Variants in UBR3 observed in about 807,000 individuals in gnomAD.
UBR3 encodes the protein E3 ubiquitin-protein ligase UBR3.
In UBR3, 85 loss-of-function variants were observed where a neutral mutation model predicts 243.2. That is an observed-to-expected ratio of 0.35 (90% CI 0.29 to 0.42). The LOEUF is 0.42. Among genes scored for constraint, UBR3 ranks in the 10% least tolerant of loss-of-function variants. UBR3 has a pLI of 1.00. For missense variants in UBR3, 1,686 were observed against 2,300.8 expected, an observed-to-expected ratio of 0.73 and a Z score of 5.47; for synonymous variants, 748 against 799.8, an observed-to-expected ratio of 0.94 and a Z score of 1.09.
chr2:169,847,405 T>G (rs2082519230), intron 1 of UBR3, among the ~76,000 whole-genome samples: 1 of 152,192 alleles, frequency 6.6e-6, no homozygotes, highest in African/African-American at 2.4e-5. Context: ...ATAGTATATG[T>G]CTTTCACTTA....
intron 3 of UBR3, among the ~76,000 whole-genome samples, chr2:169,876,566 G>T (rs1236723403): frequency 6.8e-6 from 1 of 146,144 alleles, no homozygotes; most frequent in Non-Finnish European, 1.5e-5. Flanking sequence ...GTATTGTATT[G>T]TATTTTTTTG....
At chr2:169,970,049 A>G (rs2088033754) in intron 24 of UBR3, among the ~76,000 whole-genome samples, 1 of 147,130 alleles carries the variant, frequency 6.8e-6, no homozygotes, top group South Asian at 2.1e-4. Flanking sequence ...GAAGAATGTC[A>G]TTGGTATTGA....
chr2:170,060,986 T>C (rs1038312119), intron 33 of UBR3, 93 bp from the exon 34 acceptor site: 3 of 829,144 alleles, frequency 3.6e-6, no homozygotes, highest in African/African-American at 3.6e-5. Context: ...AATAATATAA[T>C]CACAGTTTTA....
intron 24 of UBR3, among the ~76,000 whole-genome samples, chr2:169,985,219 CTT>C (rs1347614191): frequency 2.5e-5 from 3 of 119,300 alleles, no homozygotes; most frequent in African/African-American, 6.1e-5. Flanking sequence ...CATATCAACT[CTT>C]TTCTTTTTTT....
intron 32 of UBR3, among the ~76,000 whole-genome samples, chr2:170,041,603 C>T (rs912971412): frequency 1.3e-5 from 2 of 152,150 alleles, no homozygotes; most frequent in African/African-American, 2.4e-5. Flanking sequence ...GCTCCTTGGT[C>T]TTTGTAGCTT....
intron 9 of UBR3, 102 bp downstream of exon 9, chr2:169,905,395 C>A: frequency 2.6e-6 from 2 of 779,344 alleles, no homozygotes; most frequent in Non-Finnish European, 3.6e-6. Flanking sequence ...TCACGCTACA[C>A]ATGAAATAGC....
At chr2:169,890,538 G>GAAATAGATAGAT (rs1238478825) in intron 5 of UBR3, among the ~76,000 whole-genome samples, 10 of 77,596 alleles carry the variant, frequency 1.3e-4, no homozygotes, top group Non-Finnish European at 2.3e-5. Context: ...GAGAGAGAGA[G>GAAATAGATAGAT]AGATATATAT....
intron 26 of UBR3, among the ~76,000 whole-genome samples, chr2:169,995,733 A>G (rs1461210477): frequency 6.6e-6 from 1 of 152,208 alleles, no homozygotes; most frequent in Non-Finnish European, 1.5e-5. Context: ...GATTTGATTC[A>G]TATCTGCTAC....
In UBR3 at chr2:170,052,606, T is replaced by TA. The variant is rs1466172224; in HGVS notation, c.4661-2853dup. ...ATGAAATAAGCCACAAAAAGAGAAATACTGCATGATCTCACTTATATGTGG... is the reference window on the plus strand; with the variant it reads ...ATGAAATAAGCCACAAAAAGAGAAATAACTGCATGATCTCACTTATATGTGG... On this transcript the variant is annotated intron_variant, in intron 32 of 38. Transcript: ENST00000272793. Among the ~76,000 whole-genome samples the TA allele has an allele frequency of 2.6e-5, 4 of 152,266 alleles. No individual in the cohort carries two copies. The East Asian group carries it at 7.7e-4, about 29-fold the overall frequency.
chr2:169,864,331 A>G (rs550085020), intron 1 of UBR3, among the ~76,000 whole-genome samples: 1 of 152,260 alleles, frequency 6.6e-6, no homozygotes, highest in African/African-American at 2.4e-5. Context: ...CTCCTTCCTC[A>G]GAAAGTTAGC....
At chr2:169,983,211 G>C (rs1477018613) in intron 24 of UBR3, among the ~76,000 whole-genome samples, 1 of 132,140 alleles carries the variant, frequency 7.6e-6, no homozygotes, top group African/African-American at 2.8e-5. Context: ...CTGAGGCCTA[G>C]TTTTGGAAGG....
rs928299301 is a variant in UBR3, at chr2:170,041,100, T to C, written c.4660+115T>C. On this transcript the variant is annotated intron_variant, in intron 32 of 38. Transcript: ENST00000272793. ...GCTCATGCTTGTAATCCCCGCACTT[T>C]AGGAGGCTGAGGTGGGTGGATTGCT... The C allele has an allele frequency of 1.6e-5, 16 of 988,990 alleles. No individual in the cohort carries two copies. In the African/African-American group the frequency reaches 1.9e-4, roughly 12 times the overall value. 61.3% of individuals were successfully genotyped at this position (988,990 alleles called of 1,614,324 possible). A position where few individuals can be genotyped will look rare whatever the true frequency, so the allele number is the denominator to read the frequency against.
intron 36 of UBR3, among the ~76,000 whole-genome samples, chr2:170,074,015 C>A (rs1029426764): frequency 6.6e-6 from 1 of 152,118 alleles, no homozygotes; most frequent in African/African-American, 2.4e-5. Context: ...GCCTATGCTA[C>A]CAGCTCAGCT....
chr2:169,856,649 G>A (rs1019194231), intron 1 of UBR3, among the ~76,000 whole-genome samples: 3 of 152,222 alleles, frequency 2.0e-5, no homozygotes, highest in African/African-American at 7.2e-5. Context: ...CGGCCAACAC[G>A]GCGAAACCCC....
intron 32 of UBR3, among the ~76,000 whole-genome samples, chr2:170,053,495 C>T (rs562004900): frequency 9.2e-5 from 14 of 152,254 alleles, no homozygotes; most frequent in Admixed American, 5.9e-4. Context: ...CCTTTTTTCC[C>T]TTTGCTGATT....
intron 10 of UBR3, among the ~76,000 whole-genome samples, chr2:169,911,874 G>A (rs968452049): frequency 7.2e-5 from 11 of 152,060 alleles, no homozygotes; most frequent in African/African-American, 2.4e-4. Flanking sequence ...TGAGAGGTAT[G>A]GAATAGAATG....
chr2:169,891,647 G>A (rs1356013457), intron 6 of UBR3, among the ~76,000 whole-genome samples: 2 of 124,428 alleles, frequency 1.6e-5, no homozygotes, highest in Non-Finnish European at 3.3e-5. Context: ...CACAGGGAAT[G>A]AACAAATAGT....
At chr2:169,877,985 T>C (rs1367764662) in intron 4 of UBR3, among the ~76,000 whole-genome samples, 3 of 152,344 alleles carry the variant, frequency 2.0e-5, no homozygotes, top group African/African-American at 7.2e-5. Flanking sequence ...AAACACCATT[T>C]GTAATAACTG....
intron 23 of UBR3, 53 bp from the exon 24 acceptor site, chr2:169,958,385 A>C (rs917800914): frequency 2.1e-5 from 32 of 1,504,506 alleles, no homozygotes; most frequent in Non-Finnish European, 2.9e-5. Flanking sequence ...GAAATATAGT[A>C]GCTAGGTCTT....
Sources: gnomAD v4.1 joint callset for allele counts (sites outside exome capture counted in the v4.1 genomes callset) on GRCh38, gnomAD v4.1.1 for gene constraint, MANE v1.5 for transcripts, NCBI Gene and HGNC (gene_info 2026-07-23, HGNC 2026-07-21) for gene names.